The following ZNF804B variants were observed in gnomAD, a reference collection of about 807,000 sequenced individuals.
The protein encoded by ZNF804B is zinc finger 804B.
ZNF804B carries 80 observed loss-of-function variants against 101.4 expected under a neutral mutation model. That is an observed-to-expected ratio of 0.79 (90% CI 0.66 to 0.95). The LOEUF is 0.95. Among genes scored for constraint, ZNF804B ranks in the 40% least tolerant of loss-of-function variants. The pLI is 0.00. For synonymous variants in ZNF804B, 622 were observed against 558.8 expected (o/e 1.11, Z -1.59); for missense variants, 1,673 against 1,561.9 (o/e 1.07, Z -1.20).
chr7:88,839,406 C>A lies in ZNF804B; in HGVS notation c.108+79322C>A, dbSNP rs563255370. 4.6e-5 allele frequency among the ~76,000 whole-genome samples: 7 copies of A among 151,980 alleles called. No homozygotes were observed. The East Asian group carries it at 1.4e-3, about 30-fold the overall frequency. On this transcript the variant is annotated intron_variant, in intron 1 of 3. Transcript: ENST00000333190. ...TACCTTAGGTATAACATAAGGTATA[C>A]CTCCTAGTTTCCTTAGGAGGAATAC...
At chr7:88,899,068 C>T (rs545182582) in intron 1 of ZNF804B, among the ~76,000 whole-genome samples, 23 of 152,210 alleles carry the variant, frequency 1.5e-4, no homozygotes, top group Admixed American at 9.8e-4. Context: ...TTTTAGAGCC[C>T]TTTCCTTTCT....
intron 1 of ZNF804B, among the ~76,000 whole-genome samples, chr7:88,928,458 T>C (rs1792837650): frequency 6.6e-6 from 1 of 152,158 alleles, no homozygotes; most frequent in Non-Finnish European, 1.5e-5. Flanking sequence ...GCTAAAAATA[T>C]TTGGGAAGTG....
intron 1 of ZNF804B, among the ~76,000 whole-genome samples, chr7:89,201,043 G>A: frequency 6.6e-6 from 1 of 151,986 alleles, no homozygotes; most frequent in South Asian, 2.1e-4. Context: ...GACACTCTTA[G>A]GGAAAGCTTC....
chr7:89,309,139 C>T (rs1264173341), intron 2 of ZNF804B, among the ~76,000 whole-genome samples: 2 of 152,110 alleles, frequency 1.3e-5, no homozygotes, highest in African/African-American at 2.4e-5. Flanking sequence ...TTGCCCCCTT[C>T]CCTTCCTTCC....
intron 1 of ZNF804B, among the ~76,000 whole-genome samples, chr7:88,845,294 C>G (rs559241102): frequency 5.7e-4 from 71 of 123,620 alleles, no homozygotes; most frequent in Non-Finnish European, 9.1e-4. Context: ...CGCGCGCGCA[C>G]GCGCGCGCAC....
chr7:88,960,109 G>T (rs1475849485), intron 1 of ZNF804B, among the ~76,000 whole-genome samples: 1 of 151,102 alleles, frequency 6.6e-6, no homozygotes, highest in Non-Finnish European at 1.5e-5. Flanking sequence ...TGTGTCTGTT[G>T]TACAAATTAT....
chr7:89,045,026 G>A (rs138414321), intron 1 of ZNF804B, among the ~76,000 whole-genome samples: 267 of 152,280 alleles, frequency 1.8e-3, no homozygotes, highest in Admixed American at 4.2e-3. Context: ...TCCTGTGCTG[G>A]ACCTAGGGGC....
intron 1 of ZNF804B, among the ~76,000 whole-genome samples, chr7:89,157,738 T>C (rs1790997850): frequency 1.3e-5 from 2 of 152,166 alleles, no homozygotes; most frequent in Non-Finnish European, 2.9e-5. Context: ...TTCCATCTTT[T>C]TTTTGGTTTG....
chr7:88,761,022 A>C (rs907393489), intron 1 of ZNF804B, among the ~76,000 whole-genome samples: 1 of 150,778 alleles, frequency 6.6e-6, no homozygotes, highest in African/African-American at 2.4e-5. Context: ...AACAGTATTT[A>C]AGTCTGTATG....
chr7:89,277,552 A>C (rs1192619155), intron 2 of ZNF804B, among the ~76,000 whole-genome samples: 1 of 135,458 alleles, frequency 7.4e-6, no homozygotes, highest in Non-Finnish European at 1.6e-5. Context: ...TCCTGTGTCC[A>C]GGTGTTCTCA....
chr7:89,074,133 C>T (rs1335264203), intron 1 of ZNF804B, among the ~76,000 whole-genome samples: 1 of 152,152 alleles, frequency 6.6e-6, no homozygotes, highest in African/African-American at 2.4e-5. Context: ...GCAAAAACTA[C>T]CTCCTGGAGT....
At chr7:88,783,865 A>G (rs1413633833) in intron 1 of ZNF804B, among the ~76,000 whole-genome samples, 1 of 152,166 alleles carries the variant, frequency 6.6e-6, no homozygotes, top group Non-Finnish European at 1.5e-5. Flanking sequence ...TTTGGTTGAA[A>G]TGCTTTATCA....
At chr7:89,135,503 T>C (rs1790617742) in intron 1 of ZNF804B, among the ~76,000 whole-genome samples, 1 of 152,064 alleles carries the variant, frequency 6.6e-6, no homozygotes, top group Non-Finnish European at 1.5e-5. Context: ...TATAATTGAG[T>C]AATATTTGTT....
intron 2 of ZNF804B, among the ~76,000 whole-genome samples, chr7:89,236,705 T>C (rs1789287471): frequency 6.6e-6 from 1 of 152,022 alleles, no homozygotes; most frequent in Admixed American, 6.5e-5. Context: ...ATAATTTAAG[T>C]TTTATGAAAT....
At chr7:88,764,343 G>A (rs555338259) in intron 1 of ZNF804B, among the ~76,000 whole-genome samples, 2 of 152,204 alleles carry the variant, frequency 1.3e-5, no homozygotes, top group African/African-American at 2.4e-5. Context: ...AGACATCCTG[G>A]AATATCTTTT....
chr7:89,271,509 G>A (rs1469108463), intron 2 of ZNF804B, among the ~76,000 whole-genome samples: 1 of 152,136 alleles, frequency 6.6e-6, no homozygotes, highest in Non-Finnish European at 1.5e-5. Context: ...GTTCATCAGG[G>A]ATATTGGTCT....
intron 1 of ZNF804B, among the ~76,000 whole-genome samples, chr7:88,912,552 T>A (rs1467144920): frequency 2.0e-5 from 3 of 152,150 alleles, no homozygotes; most frequent in African/African-American, 7.2e-5. Flanking sequence ...TCACATTTTG[T>A]CTATGTTCGT....
At chr7:88,857,465 T>G (rs975471724) in intron 1 of ZNF804B, among the ~76,000 whole-genome samples, 1 of 152,002 alleles carries the variant, frequency 6.6e-6, no homozygotes, top group African/African-American at 2.4e-5. Context: ...CAAACTACCA[T>G]CAGAGAATAC....
chr7:88,970,690 C>G (rs967730954), intron 1 of ZNF804B, among the ~76,000 whole-genome samples: 3 of 151,056 alleles, frequency 2.0e-5, no homozygotes, highest in African/African-American at 4.9e-5. Flanking sequence ...AGCTGGAAAC[C>G]ATCATTCTCA....
Sources: gnomAD v4.1 joint callset for allele counts (sites outside exome capture counted in the v4.1 genomes callset) on GRCh38, gnomAD v4.1.1 for gene constraint, MANE v1.5 for transcripts, NCBI Gene and HGNC (gene_info 2026-07-23, HGNC 2026-07-21) for gene names.